Variants in CREB5 observed in about 807,000 individuals in gnomAD.
CREB5 encodes cyclic AMP-responsive element-binding protein 5.
Under a neutral mutation model 57.1 loss-of-function variants are expected in CREB5, and 19 were observed. The observed-to-expected ratio is 0.33, with a 90% CI of 0.23 to 0.49. CREB5 has a LOEUF of 0.49. Among genes scored for constraint, CREB5 ranks in the 20% least tolerant of loss-of-function variants. The probability of loss-of-function intolerance (pLI) is 0.99; values close to 1 mark genes in which losing one functional copy is unlikely to be tolerated. For synonymous variants in CREB5, 238 were observed against 238.3 expected (o/e 1.00, Z 0.01); for missense variants, 579 against 671.6 (o/e 0.86, Z 1.52).
At chr7:28,781,051 C>T (rs868350077) in intron 7 of CREB5, among the ~76,000 whole-genome samples, 4 of 152,132 alleles carry the variant, frequency 2.6e-5, no homozygotes, top group Non-Finnish European at 4.4e-5. Flanking sequence ...TAGTGCATCT[C>T]GAAGCATTTT....
intron 6 of CREB5, among the ~76,000 whole-genome samples, chr7:28,720,865 AAAT>A (rs1802995693): frequency 6.6e-6 from 1 of 152,204 alleles, no homozygotes. Flanking sequence ...TTGCCCAGAA[AAAT>A]ACCACTGCAG....
intron 5 of CREB5, among the ~76,000 whole-genome samples, chr7:28,670,944 G>A (rs1024414320): frequency 2.0e-5 from 3 of 152,034 alleles, no homozygotes; most frequent in Non-Finnish European, 4.4e-5. Flanking sequence ...AATTGCACTT[G>A]GCCACACACT....
chr7:28,571,548 C>A (rs1458177919), intron 5 of CREB5, among the ~76,000 whole-genome samples: 8 of 152,150 alleles, frequency 5.3e-5, no homozygotes, highest in Non-Finnish European at 8.8e-5. Flanking sequence ...GTAGAAAGAT[C>A]CTGTCATTGA....
At chr7:28,520,940 A>G (rs1223790620) in intron 4 of CREB5, among the ~76,000 whole-genome samples, 2 of 152,236 alleles carry the variant, frequency 1.3e-5, no homozygotes, top group African/African-American at 2.4e-5. Flanking sequence ...TTGCATTAAT[A>G]TAGTGTGTCT....
chr7:28,748,376 A>C (rs538165834), intron 7 of CREB5, among the ~76,000 whole-genome samples: 1 of 152,328 alleles, frequency 6.6e-6, no homozygotes, highest in East Asian at 1.9e-4. Context: ...TGTCACTATG[A>C]GGAAGAACAA....
chr7:28,399,097 A>G (rs1787394394), intron 1 of CREB5, among the ~76,000 whole-genome samples: 1 of 152,186 alleles, frequency 6.6e-6, no homozygotes, highest in Non-Finnish European at 1.5e-5. Flanking sequence ...AACTAAGAGC[A>G]CGGGAAAAAT....
At chr7:28,421,943 T>C (rs1788284098) in intron 1 of CREB5, among the ~76,000 whole-genome samples, 1 of 82,842 alleles carries the variant, frequency 1.2e-5, no homozygotes, top group South Asian at 4.8e-4. Context: ...TATATATATA[T>C]ACTCAACTGA....
At chr7:28,331,412 A>C (rs933295617) in intron 1 of CREB5, among the ~76,000 whole-genome samples, 1 of 152,166 alleles carries the variant, frequency 6.6e-6, no homozygotes, top group African/African-American at 2.4e-5. Flanking sequence ...TGTGCTTATT[A>C]TATAAAAAAG....
chr7:28,408,418 G>T (rs1167341388), upstream of CREB5, among the ~76,000 whole-genome samples: 1 of 152,220 alleles, frequency 6.6e-6, no homozygotes, highest in Non-Finnish European at 1.5e-5. Flanking sequence ...GCAGGGGGAT[G>T]GTGACAGTGA....
chr7:28,630,417 C>G (rs1044969192), intron 5 of CREB5, among the ~76,000 whole-genome samples: 3 of 152,190 alleles, frequency 2.0e-5, no homozygotes, highest in Non-Finnish European at 4.4e-5. Flanking sequence ...AAATGTACAT[C>G]TCAGTCTAGT....
At chr7:28,694,142 T>C (rs1411087404) in intron 5 of CREB5, among the ~76,000 whole-genome samples, 1 of 152,230 alleles carries the variant, frequency 6.6e-6, no homozygotes, top group Non-Finnish European at 1.5e-5. Flanking sequence ...CTGCCTCTTC[T>C]TGACCTTCTT....
chr7:28,418,825 C>T (rs989955235), intron 1 of CREB5, among the ~76,000 whole-genome samples: 1 of 152,138 alleles, frequency 6.6e-6, no homozygotes, highest in Non-Finnish European at 1.5e-5. Flanking sequence ...TTTATTAGTG[C>T]CATGTATTCC....
At chr7:28,796,313 A>G (rs1235974654) in intron 7 of CREB5, among the ~76,000 whole-genome samples, 1 of 152,110 alleles carries the variant, frequency 6.6e-6, no homozygotes, top group East Asian at 1.9e-4. Flanking sequence ...GGCTTGTTTC[A>G]TTTAGCATAA....
intron 1 of CREB5, among the ~76,000 whole-genome samples, chr7:28,437,752 T>C (rs1789018753): frequency 6.6e-6 from 1 of 152,180 alleles, no homozygotes; most frequent in Non-Finnish European, 1.5e-5. Context: ...CCAACTCTAT[T>C]TAAAGATATG....
intron 1 of CREB5, among the ~76,000 whole-genome samples, chr7:28,462,238 G>A (rs1790379700): frequency 6.6e-6 from 1 of 152,172 alleles, no homozygotes; most frequent in Non-Finnish European, 1.5e-5. Flanking sequence ...GTTGTAGCAT[G>A]TATCAGTACT....
intron 1 of CREB5, among the ~76,000 whole-genome samples, chr7:28,328,412 C>T (rs1478211100): frequency 6.6e-6 from 1 of 152,134 alleles, no homozygotes; most frequent in Non-Finnish European, 1.5e-5. Context: ...ATTTTCAAAT[C>T]GTTTCAAGTA....
At chr7:28,627,019 A>G (rs41295) in intron 5 of CREB5, among the ~76,000 whole-genome samples, 96,574 of 152,162 alleles carry the variant, frequency 0.63, 31,837 homozygotes, top group East Asian at 0.9. Context: ...AGCCCTTGAC[A>G]GACAAAGTTA....
chr7:28,472,529 T>C (rs1198750811), intron 1 of CREB5, among the ~76,000 whole-genome samples: 1 of 152,186 alleles, frequency 6.6e-6, no homozygotes, highest in Non-Finnish European at 1.5e-5. Context: ...ACAGGGGCTG[T>C]GTTCTTTCTA....
At chr7:28,324,392 G>C (rs1785544385) in intron 1 of CREB5, among the ~76,000 whole-genome samples, 1 of 151,970 alleles carries the variant, frequency 6.6e-6, no homozygotes, top group Non-Finnish European at 1.5e-5. Flanking sequence ...CTCATGTCAA[G>C]GCACCATTAC....
Sources: gnomAD v4.1 joint callset for allele counts (sites outside exome capture counted in the v4.1 genomes callset) on GRCh38, gnomAD v4.1.1 for gene constraint, MANE v1.5 for transcripts, NCBI Gene and HGNC (gene_info 2026-07-23, HGNC 2026-07-21) for gene names.